Variants in GRIK4 observed in about 807,000 individuals in gnomAD.
GRIK4 encodes the protein glutamate ionotropic receptor kainate type subunit 4, also known as glutamate receptor ionotropic, kainate 4.
A neutral mutation model predicts 104.9 loss-of-function variants in GRIK4; 40 were observed. That is an observed-to-expected ratio of 0.38 (90% CI 0.30 to 0.50). GRIK4 has a LOEUF of 0.50. Among genes scored for constraint, GRIK4 ranks in the 20% least tolerant of loss-of-function variants. The pLI is 0.93. For missense variants in GRIK4, 1,047 were observed against 1,308.1 expected, an observed-to-expected ratio of 0.80 and a Z score of 3.08; for synonymous variants, 485 against 524.9, an observed-to-expected ratio of 0.92 and a Z score of 1.04.
intron 3 of GRIK4, among the ~76,000 whole-genome samples, chr11:120,704,254 A>G (rs1950595636): frequency 1.3e-5 from 2 of 152,220 alleles, no homozygotes; most frequent in African/African-American, 4.8e-5. Flanking sequence ...ATTCTTCACT[A>G]GACTGTGGTC....
chr11:120,735,548 AC>A, intron 3 of GRIK4, among the ~76,000 whole-genome samples: 1 of 152,148 alleles, frequency 6.6e-6, no homozygotes, highest in Middle Eastern at 3.4e-3. Flanking sequence ...CCTGGTTACC[AC>A]CTATGTTTGA....
chr11:120,528,880 G>T (rs968301369), intron 1 of GRIK4, among the ~76,000 whole-genome samples: 1 of 152,138 alleles, frequency 6.6e-6, no homozygotes, highest in Admixed American at 6.5e-5. Context: ...TGTGGGAGTT[G>T]CAATTCAAGA....
intron 3 of GRIK4, among the ~76,000 whole-genome samples, chr11:120,724,033 C>T (rs778441374): frequency 2.5e-4 from 38 of 152,052 alleles, no homozygotes; most frequent in Non-Finnish European, 4.9e-4. Context: ...TTTCCTAAAA[C>T]GTCATATAAG....
At position 120,986,303 on chromosome 11, in the gene GRIK4, G is replaced by A; in HGVS notation, c.*43G>A. 1.0e-6 allele frequency: 1 copy of A among 1,001,050 alleles called. No homozygotes were observed. Among genetic ancestry groups the A allele is most frequent in the Non-Finnish European group, 1.4e-6 (1 of 735,762 alleles). The allele number at this position is 1,001,050 out of a possible 1,614,324, so 62.0% of individuals were successfully genotyped here. A position where few individuals can be genotyped will look rare whatever the true frequency, so the allele number is the denominator to read the frequency against. On this transcript the variant is annotated 3_prime_UTR_variant, in exon 21 of 21. Transcript: ENST00000527524. ...CGCGCAGAGGCCGGGCGGGGCGGGAGGGGAGGGGCGGGGCGGGCGCTGCTG... is the reference window on the plus strand; with the variant it reads ...CGCGCAGAGGCCGGGCGGGGCGGGAAGGGAGGGGCGGGGCGGGCGCTGCTG...
At position 120,513,098 on chromosome 11, in the gene GRIK4, T is replaced by G. The variant is rs547787725; in HGVS notation, c.-159+1211T>G. Among the ~76,000 whole-genome samples the G allele has an allele frequency of 1.3e-4, 20 of 151,972 alleles. No individual in the cohort carries two copies. The highest frequency in any genetic ancestry group is 8.8e-5 in the Non-Finnish European group (6 of 67,948). On this transcript the variant is annotated intron_variant, in intron 1 of 20. Transcript: ENST00000527524. This position sits in a 1 kb window ranked among gnomAD's most constrained non-coding sequence, Gnocchi z 4.5. ...CTCTCCTGGGCATGTCTCCCAAGGG[T>G]CTGGGTTGTCTGGGAAGAGGAGGGG...
chr11:120,667,842 T>C (rs1423542488), intron 3 of GRIK4, among the ~76,000 whole-genome samples: 1 of 152,220 alleles, frequency 6.6e-6, no homozygotes, highest in African/African-American at 2.4e-5. Context: ...ACAGTGCCAC[T>C]GTGCTGGACT....
chr11:120,965,950 T>A (rs1025461892), intron 18 of GRIK4, among the ~76,000 whole-genome samples: 30 of 152,184 alleles, frequency 2.0e-4, no homozygotes, highest in African/African-American at 7.0e-4. Flanking sequence ...TTCATGGAGT[T>A]TGAGCAAGGA....
At position 120,660,420 on chromosome 11, in the gene GRIK4, G is replaced by A. The variant is rs1272120258; in HGVS notation, c.82+20G>A. On this transcript the variant is annotated intron_variant, in intron 3 of 20. Coordinates refer to ENST00000527524, the MANE Select transcript of GRIK4 (RefSeq NM_014619.5). ...GGATCGGTAAGTGTGGCCCAGCTTG[G>A]GGCAGTGCCCCCACCCACTATCCCA... 5.7e-6 allele frequency: 9 copies of A among 1,585,546 alleles called. No homozygotes were observed. Among genetic ancestry groups the A allele is most frequent in the Non-Finnish European group, 7.8e-6 (9 of 1,157,220 alleles).
intron 3 of GRIK4, among the ~76,000 whole-genome samples, chr11:120,727,749 A>G (rs1252550919): frequency 6.6e-6 from 1 of 152,146 alleles, no homozygotes; most frequent in African/African-American, 2.4e-5. Context: ...TCAAGAAAGA[A>G]TTAGAAATAG....
At chr11:120,515,333 A>G (rs1947712638) in intron 1 of GRIK4, among the ~76,000 whole-genome samples, 1 of 152,140 alleles carries the variant, frequency 6.6e-6, no homozygotes, top group Non-Finnish European at 1.5e-5. Context: ...CACCTCTCTG[A>G]GCCTCACTGC....
intron 4 of GRIK4, among the ~76,000 whole-genome samples, chr11:120,803,912 C>T (rs1388588396): frequency 1.3e-5 from 2 of 152,226 alleles, no homozygotes; most frequent in Non-Finnish European, 2.9e-5. Context: ...AGAAAAGAAA[C>T]TGAGGCTCAA....
In GRIK4 at chr11:120,834,773, A is replaced by G. The variant is rs111759707; in HGVS notation, c.691-2018A>G. Among the ~76,000 whole-genome samples the G allele has an allele frequency of 7.0e-3, 1,062 of 152,332 alleles. 17 individuals are homozygous for G. Among genetic ancestry groups the G allele is most frequent in the African/African-American group, 0.024 (1,017 of 41,568 alleles). On this transcript the variant is annotated intron_variant, in intron 7 of 20. Coordinates refer to ENST00000527524, the MANE Select transcript of GRIK4 (RefSeq NM_014619.5). ...AGCGGCTGTTCCAGCAACGAACTCC[A>G]TGTTTACCCAGAAATCAGGCCTTAA...
chr11:120,567,657 G>C (rs1180129956), intron 1 of GRIK4, among the ~76,000 whole-genome samples: 1 of 152,196 alleles, frequency 6.6e-6, no homozygotes, highest in African/African-American at 2.4e-5. Context: ...CTGAGCAGGG[G>C]AAGAGAGTGA....
At chr11:120,751,685 A>G (rs1446237268) in intron 3 of GRIK4, among the ~76,000 whole-genome samples, 2 of 152,154 alleles carry the variant, frequency 1.3e-5, no homozygotes, top group African/African-American at 4.8e-5. Context: ...CCCACCAGGA[A>G]ACGATTCTGC....
At chr11:120,702,223 G>A (rs1441556465) in intron 3 of GRIK4, among the ~76,000 whole-genome samples, 1 of 152,138 alleles carries the variant, frequency 6.6e-6, no homozygotes, top group African/African-American at 2.4e-5. Context: ...CAAAGTGCTG[G>A]GATTACAGGC....
intron 14 of GRIK4, among the ~76,000 whole-genome samples, chr11:120,950,047 G>A (rs1591320586): frequency 6.6e-6 from 1 of 152,318 alleles, no homozygotes; most frequent in Non-Finnish European, 1.5e-5. Context: ...TGGGAAGAAA[G>A]TGATCTAAAC....
At chr11:120,592,489 T>C (rs556420951) in intron 1 of GRIK4, among the ~76,000 whole-genome samples, 2 of 152,340 alleles carry the variant, frequency 1.3e-5, no homozygotes, top group South Asian at 2.1e-4. Flanking sequence ...CTGCATTCCG[T>C]TGGGCTGGAA....
chr11:120,965,723 C>T (rs564697091), intron 18 of GRIK4, among the ~76,000 whole-genome samples: 5 of 152,282 alleles, frequency 3.3e-5, no homozygotes, highest in East Asian at 3.9e-4. Flanking sequence ...GTGTGGTCCA[C>T]GACCCAGCAG....
chr11:120,698,758 C>T (rs1191324570), intron 3 of GRIK4, among the ~76,000 whole-genome samples: 3 of 152,202 alleles, frequency 2.0e-5, no homozygotes, highest in Non-Finnish European at 4.4e-5. Context: ...TTTGCACTCC[C>T]AAGTCTCTGA....
Sources: gnomAD v4.1 joint callset for allele counts (sites outside exome capture counted in the v4.1 genomes callset) on GRCh38, gnomAD v4.1.1 for gene constraint, Gnocchi (gnomAD v3.1) non-coding constraint, MANE v1.5 for transcripts, NCBI Gene and HGNC (gene_info 2026-07-23, HGNC 2026-07-21) for gene names.